The following H2AZ2 variants were observed in gnomAD, a reference collection of about 807,000 sequenced individuals.
The protein encoded by H2AZ2 is H2A.Z variant histone 2.
Under a neutral mutation model 15.5 loss-of-function variants are expected in H2AZ2, and 5 were observed. The observed-to-expected ratio is 0.32, with a 90% CI of 0.17 to 0.68. The LOEUF (loss-of-function observed/expected upper bound fraction) is 0.68. Ranked by LOEUF, H2AZ2 falls within the 30% of genes least tolerant of loss-of-function variation. H2AZ2 has a pLI of 0.72. For synonymous variants in H2AZ2, 44 were observed against 57.4 expected, an observed-to-expected ratio of 0.77 and a Z score of 1.05; for missense variants, 42 against 162.5, an observed-to-expected ratio of 0.26 and a Z score of 4.03.
At chr7:44,836,785 A>C (rs954211830) in intron 3 of H2AZ2, among the ~76,000 whole-genome samples, 1 of 151,976 alleles carries the variant, frequency 6.6e-6, no homozygotes, top group African/African-American at 2.4e-5. Context: ...TCATGAGGTC[A>C]GGAGATCGAG....
At chr7:44,827,009 C>T (rs910799264), downstream of H2AZ2, 1 of 152,050 alleles carries the variant, frequency 6.6e-6, no homozygotes, top group African/African-American at 2.4e-5. Context: ...TCAAAATTGA[C>T]AAATCAACTA....
At chr7:44,844,043 GAA>G (rs55761560) in intron 1 of H2AZ2, among the ~76,000 whole-genome samples, 174 of 141,846 alleles carry the variant, frequency 1.2e-3, no homozygotes, top group Non-Finnish European at 1.4e-3. Context: ...CATGTTCCAA[GAA>G]AAAAAAAAAA....
downstream of H2AZ2, chr7:44,830,140 T>C: frequency 1.2e-6 from 2 of 1,613,754 alleles, no homozygotes; most frequent in Non-Finnish European, 1.7e-6. Flanking sequence ...TGGCATCTTC[T>C]GATCTAAGAA....
chr7:44,835,367 C>G (rs41280660), intron 4 of H2AZ2, 162 bp downstream of exon 4: 1 of 506,608 alleles, frequency 2.0e-6, no homozygotes, highest in Non-Finnish European at 3.3e-6. Flanking sequence ...AATATTTATT[C>G]AGATCATTAT....
chr7:44,834,662 C>A, intron 4 of H2AZ2, 100 bp from the exon 5 acceptor site: 1 of 1,116,892 alleles, frequency 9.0e-7, no homozygotes, highest in Non-Finnish European at 1.3e-6. Flanking sequence ...AGTCCCTTTT[C>A]ATATTCTGAT....
chr7:44,839,113 AC>A (rs1356787417), intron 3 of H2AZ2, among the ~76,000 whole-genome samples: 7 of 152,226 alleles, frequency 4.6e-5, no homozygotes, highest in African/African-American at 9.7e-5. Context: ...CCTGCAGAGA[AC>A]CAGGACAGAC....
At chr7:44,829,387 G>A (rs1263966698), downstream of H2AZ2, 1 of 152,192 alleles carries the variant, frequency 6.6e-6, no homozygotes, top group African/African-American at 2.4e-5. Flanking sequence ...GATCGCCTGA[G>A]GTCAGGAGTT....
intron 3 of H2AZ2, among the ~76,000 whole-genome samples, chr7:44,838,780 G>A (rs1793194980): frequency 1.3e-5 from 2 of 152,194 alleles, no homozygotes; most frequent in South Asian, 4.1e-4. Flanking sequence ...GACTTGGTGA[G>A]ACTAATGAAA....
At chr7:44,842,768 A>T (rs566541027) in intron 2 of H2AZ2, among the ~76,000 whole-genome samples, 1 of 152,260 alleles carries the variant, frequency 6.6e-6, no homozygotes, top group African/African-American at 2.4e-5. Flanking sequence ...CATCTGGATA[A>T]TGTTGTCCTC....
intron 3 of H2AZ2, among the ~76,000 whole-genome samples, chr7:44,837,841 G>A (rs952525856): frequency 7.2e-6 from 1 of 138,846 alleles, no homozygotes; most frequent in African/African-American, 2.8e-5. Context: ...AGGGGGGGGG[G>A]GCTTAGATAG....
Position 44,834,460 on chromosome 7 carries a change from G to A in H2AZ2, c.*41C>T, listed in dbSNP as rs757941066. 11 of 1,595,844 alleles carry A rather than the reference G, an allele frequency of 6.9e-6. No homozygotes were observed. The East Asian group carries it at 2.5e-4, about 36-fold the overall frequency. On this transcript the variant is annotated 3_prime_UTR_variant, in exon 5 of 5. Coordinates refer to ENST00000308153, the MANE Select transcript of H2AZ2 (RefSeq NM_012412.5). ...CATTATTTCTTCTGTCCCAGTTACA[G>A]TACAATGACGGGGAGGAAGAGGGTT...
In H2AZ2 at chr7:44,843,310, C is replaced by T. The variant is rs1793322013; in HGVS notation, c.48G>A (p.Lys16=). The change falls in exon 2 of 5, where the codon AAG becomes AAA. Residue 16 remains lysine (K), a synonymous_variant. Transcript: ENST00000308153. ...CAGCTCTCTGTGAGCGAGATACTGC[C>T]TTAGCCTTGGCCTTCCCACTGTCCT... ...AGKDSGKAKA[K]AVSRSQRAGL... is the part of the protein sequence containing the mutation. 6.2e-7 allele frequency: 1 copy of T among 1,612,966 alleles called. No individual in the cohort carries two copies. Among genetic ancestry groups the T allele is most frequent in the Non-Finnish European group, 8.5e-7 (1 of 1,179,634 alleles).
chr7:44,840,726 G>T (rs1228102076), intron 3 of H2AZ2, among the ~76,000 whole-genome samples, 173 bp downstream of exon 3: 1 of 152,116 alleles, frequency 6.6e-6, no homozygotes, highest in Non-Finnish European at 1.5e-5. Context: ...AGCCGAGACT[G>T]GCCATTGCAC....
intron 1 of H2AZ2, among the ~76,000 whole-genome samples, chr7:44,846,702 T>A (rs528051961): frequency 6.6e-6 from 1 of 150,742 alleles, no homozygotes; most frequent in African/African-American, 2.4e-5. Context: ...AAATCATCTG[T>A]TTGAGCAAAT....
intron 3 of H2AZ2, 129 bp downstream of exon 3, chr7:44,840,770 C>CCAAA (rs963826967): frequency 1.7e-5 from 11 of 629,200 alleles, no homozygotes; most frequent in Admixed American, 8.8e-5. Context: ...AACTCTGTCT[C>CCAAA]CAAACAAACA....
chr7:44,828,013 T>C (rs1030352138), downstream of H2AZ2: 3 of 152,208 alleles, frequency 2.0e-5, no homozygotes, highest in Admixed American at 6.5e-5. Flanking sequence ...ATAGAGCTAA[T>C]TGTCAGGCAC....
At position 44,832,724 on chromosome 7, in the gene H2AZ2, G is replaced by A. The variant is rs1478376659; in HGVS notation, c.*1777C>T. Among the ~76,000 whole-genome samples, 1 of 152,172 alleles carries A rather than the reference G, an allele frequency of 6.6e-6. No homozygotes were observed. Among genetic ancestry groups the A allele is most frequent in the Non-Finnish European group, 1.5e-5 (1 of 68,034 alleles). ...AGTACTTTGGGAGGCCAAGGTGGGA[G>A]GATGGCTTGAGCCAGGAGTTCAATA... On this transcript the variant is annotated 3_prime_UTR_variant, in exon 5 of 5. Transcript: ENST00000308153.
chr7:44,843,375 T>G, intron 1 of H2AZ2, 21 bp from the exon 2 acceptor site: 1 of 1,577,774 alleles, frequency 6.3e-7, no homozygotes, highest in Non-Finnish European at 8.7e-7. Context: ...AAAAAAATTT[T>G]TTTGAATGAA....
chr7:44,846,609 A>C (rs1793415020), intron 1 of H2AZ2, among the ~76,000 whole-genome samples: 1 of 145,240 alleles, frequency 6.9e-6, no homozygotes, highest in Admixed American at 6.9e-5. Flanking sequence ...ACTCCGTCTC[A>C]AAAAAAAAAA....
Sources: allele counts gnomAD v4.1 joint callset (sites outside exome capture counted in the v4.1 genomes callset), GRCh38; gene constraint gnomAD v4.1.1; transcripts MANE v1.5; gene names NCBI Gene and HGNC (gene_info 2026-07-23, HGNC 2026-07-21).